Variants in TMEM116 observed in about 807,000 individuals in gnomAD.
TMEM116 encodes transmembrane protein 116.
A neutral mutation model predicts 44.3 loss-of-function variants in TMEM116; 38 were observed. The observed-to-expected ratio is 0.86, with a 90% CI of 0.66 to 1.12. The LOEUF (loss-of-function observed/expected upper bound fraction) is 1.12, where lower values mean the gene tolerates loss of function less well. Ranked by LOEUF, TMEM116 falls within the 50% of genes most tolerant of loss-of-function variation. The pLI, the probability that TMEM116 is intolerant of heterozygous loss-of-function variation, is 0.00. For synonymous variants in TMEM116, 132 were observed against 144.8 expected, an observed-to-expected ratio of 0.91 and a Z score of 0.64; for missense variants, 354 against 401.7, an observed-to-expected ratio of 0.88 and a Z score of 1.01.
At chr12:111,955,009 T>C (rs1048184921) in intron 4 of TMEM116, among the ~76,000 whole-genome samples, 1 of 152,194 alleles carries the variant, frequency 6.6e-6, no homozygotes, top group African/African-American at 2.4e-5. Flanking sequence ...TGGCTGAAGG[T>C]AGCCAGATTC....
At chr12:111,959,995 C>T (rs1410845465) in intron 4 of TMEM116, among the ~76,000 whole-genome samples, 4 of 152,158 alleles carry the variant, frequency 2.6e-5, no homozygotes, top group Admixed American at 2.0e-4. Flanking sequence ...CTAGACCAAG[C>T]GGACCTAATA....
At chr12:111,942,889 C>A (rs2072971730) in intron 5 of TMEM116, among the ~76,000 whole-genome samples, 1 of 151,866 alleles carries the variant, frequency 6.6e-6, no homozygotes, top group African/African-American at 2.4e-5. Context: ...TTCAATTAAC[C>A]TCCATAAATG....
intron 4 of TMEM116, among the ~76,000 whole-genome samples, chr12:111,979,828 TA>T (rs1022514021): frequency 1.3e-5 from 2 of 152,078 alleles, no homozygotes; most frequent in African/African-American, 4.8e-5. Context: ...AATGAGCATA[TA>T]AAAAAATGTT....
At chr12:111,939,163 G>A (rs1593281133) in intron 5 of TMEM116, among the ~76,000 whole-genome samples, 1 of 152,030 alleles carries the variant, frequency 6.6e-6, no homozygotes, top group East Asian at 1.9e-4. Context: ...CTGATAAAAA[G>A]CTTATTGCTG....
chr12:111,968,580 C>T (rs1470596691), intron 4 of TMEM116, among the ~76,000 whole-genome samples: 1 of 152,184 alleles, frequency 6.6e-6, no homozygotes, highest in Non-Finnish European at 1.5e-5. Context: ...ACTAAATCAA[C>T]TGAAACCTAC....
intron 4 of TMEM116, among the ~76,000 whole-genome samples, chr12:111,945,485 C>T (rs1323876530): frequency 6.6e-6 from 1 of 151,436 alleles, no homozygotes; most frequent in African/African-American, 2.4e-5. Context: ...AAATTTGACC[C>T]TTCTTGAAGT....
chr12:112,003,917 G>T, intron 2 of TMEM116, 54 bp from the exon 3 acceptor site: 1 of 1,419,792 alleles, frequency 7.0e-7, no homozygotes, highest in Non-Finnish European at 9.1e-7. Context: ...GAGTGCCATC[G>T]TTTTTGTTAT....
At chr12:111,948,365 G>A (rs2073444101) in intron 4 of TMEM116, among the ~76,000 whole-genome samples, 1 of 152,138 alleles carries the variant, frequency 6.6e-6, no homozygotes, top group African/African-American at 2.4e-5. Context: ...GAAGAGGGTT[G>A]GGCATTCTAA....
chr12:111,985,559 C>A (rs1418397411), intron 4 of TMEM116, among the ~76,000 whole-genome samples: 1 of 152,044 alleles, frequency 6.6e-6, no homozygotes, highest in African/African-American at 2.4e-5. Context: ...TGGAAAGATA[C>A]CCATGTTCAT....
At chr12:111,942,666 G>C (rs73426362) in intron 5 of TMEM116, among the ~76,000 whole-genome samples, 29,819 of 152,128 alleles carry the variant, frequency 0.2, 3,146 homozygotes, top group Middle Eastern at 0.27. Context: ...ACTGGGTCTC[G>C]CAGGGTTGGC....
chr12:111,972,128 C>T (rs1207840837), intron 4 of TMEM116, among the ~76,000 whole-genome samples: 1 of 144,096 alleles, frequency 6.9e-6, no homozygotes, highest in Admixed American at 6.9e-5. Flanking sequence ...AAACCCAACT[C>T]TTCCTCTGAA....
intron 4 of TMEM116, among the ~76,000 whole-genome samples, chr12:111,947,681 G>A (rs1200202551): frequency 6.6e-6 from 1 of 152,100 alleles, no homozygotes; most frequent in East Asian, 1.9e-4. Context: ...GTCATCCTCA[G>A]TTATTGTTTT....
At chr12:111,996,497 A>G (rs1455257791) in intron 3 of TMEM116, among the ~76,000 whole-genome samples, 2 of 152,224 alleles carry the variant, frequency 1.3e-5, no homozygotes, top group Non-Finnish European at 2.9e-5. Context: ...AAATAATTAC[A>G]CACCCATGGC....
intron 4 of TMEM116, among the ~76,000 whole-genome samples, chr12:111,966,086 A>G (rs938922204): frequency 6.6e-5 from 10 of 152,138 alleles, no homozygotes; most frequent in Admixed American, 6.5e-4. Context: ...GCGGCTGATC[A>G]CCTGAGGTCA....
chr12:111,965,767 A>C (rs2074937130), intron 4 of TMEM116: 1 of 382,342 alleles, frequency 2.6e-6, no homozygotes, highest in African/African-American at 2.2e-5. Context: ...CCCCTAAAAA[A>C]AAAAATACAA....
intron 4 of TMEM116, among the ~76,000 whole-genome samples, chr12:111,965,165 A>T (rs947173387): frequency 1.3e-5 from 2 of 152,172 alleles, no homozygotes; most frequent in Non-Finnish European, 2.9e-5. Context: ...AAATAAGGGA[A>T]GGCCCCAGCT....
At position 111,937,361 on chromosome 12, in the gene TMEM116, C is replaced by G. The variant is rs1284939397; in HGVS notation, c.366-118G>C. On this transcript the variant is annotated intron_variant, in intron 6 of 10. Coordinates refer to ENST00000552374, the MANE Select transcript of TMEM116 (RefSeq NM_001193531.2). ...TCATCCCACCAATCTCCACAAATAA[C>G]ACATTTAATTTCTTCAAGAAAAATA... 22 of 765,332 alleles carry G rather than the reference C, an allele frequency of 2.9e-5. No individual in the cohort carries two copies. The Middle Eastern group carries it at 3.0e-3, about 106-fold the overall frequency. The allele number at this position is 765,332 out of a possible 1,614,324, so 47.4% of individuals were successfully genotyped here.
intron 3 of TMEM116, chr12:111,993,153 A>G: frequency 3.6e-6 from 1 of 280,056 alleles, no homozygotes; most frequent in Middle Eastern, 5.2e-4. Context: ...ATAAAAGTAC[A>G]GTTGTGAATT....
intron 4 of TMEM116, among the ~76,000 whole-genome samples, chr12:111,967,484 AT>A (rs1213625395): frequency 6.6e-6 from 1 of 151,460 alleles, no homozygotes; most frequent in African/African-American, 2.4e-5. Context: ...AAGCACCTGG[AT>A]TTTTTTTTCT....
Sources: gnomAD v4.1 joint callset for allele counts (sites outside exome capture counted in the v4.1 genomes callset) on GRCh38, gnomAD v4.1.1 for gene constraint, MANE v1.5 for transcripts, NCBI Gene and HGNC (gene_info 2026-07-23, HGNC 2026-07-21) for gene names.